CPLANE1: variants seen among roughly 807,000 people sequenced by gnomAD.
CPLANE1 encodes ciliogenesis and planar polarity effector complex subunit 1.
In CPLANE1, 263 loss-of-function variants were observed where a neutral mutation model predicts 362.5. The ratio of observed to expected loss-of-function variants is 0.73; its 90% confidence interval spans 0.66 to 0.80. The LOEUF is 0.80. CPLANE1 is among the 30% of genes least tolerant of loss of function. The pLI is 0.00. For missense variants in CPLANE1, 3,461 were observed against 3,793.4 expected (o/e 0.91, Z 2.30); for synonymous variants, 1,212 against 1,302.6 (o/e 0.93, Z 1.50).
the CPLANE1 span, chr5:37,085,303 C>A: frequency 1.7e-5 from 18 of 1,081,602 alleles, no homozygotes; most frequent in Admixed American, 1.2e-4. Flanking sequence ...ACCTACCCTG[C>A]TGGATTCATG....
At chr5:37,161,112 G>A (rs1428909157) in intron 38 of CPLANE1, among the ~76,000 whole-genome samples, 1 of 152,206 alleles carries the variant, frequency 6.6e-6, no homozygotes, top group African/African-American at 2.4e-5. Context: ...ACTGTCTAAT[G>A]TATAGCTGGA....
At position 37,121,534 on chromosome 5, in the gene CPLANE1, G is replaced by A. The variant is rs534480328; in HGVS notation, c.9185+83C>T. 4.6e-6 allele frequency: 6 copies of A among 1,292,200 alleles called. No individual in the cohort carries two copies. The African/African-American group carries it at 8.8e-5, about 19-fold the overall frequency. The allele number at this position is 1,292,200 out of a possible 1,614,324, so 80.0% of individuals were successfully genotyped here. A position where few individuals can be genotyped will look rare whatever the true frequency, so the allele number is the denominator to read the frequency against. ...TAAGCAGGGTAAATGCAAATGCACT[G>A]AACTTAGGTCACGAAAGTGCTACAT... On this transcript the variant is annotated intron_variant, in intron 49 of 52. Coordinates refer to ENST00000651892, the MANE Select transcript of CPLANE1 (RefSeq NM_001384732.1).
intron 44 of CPLANE1, chr5:37,139,581 C>G (rs1415951473): frequency 6.1e-6 from 6 of 977,384 alleles, no homozygotes; most frequent in Non-Finnish European, 7.7e-6. Flanking sequence ...GAGACCATGT[C>G]TCACTCTGTC....
intron 42 of CPLANE1, among the ~76,000 whole-genome samples, chr5:37,150,268 T>C (rs575382280): frequency 1.3e-5 from 2 of 152,302 alleles, no homozygotes; most frequent in Admixed American, 6.5e-5. Flanking sequence ...TCTTGTTGAA[T>C]ACTCATCCTT....
At chr5:37,172,128 G>C (rs1222896443) in intron 32 of CPLANE1, among the ~76,000 whole-genome samples, 2 of 151,960 alleles carry the variant, frequency 1.3e-5, no homozygotes, top group Non-Finnish European at 2.9e-5. Flanking sequence ...AATATAAAGA[G>C]GCTGGCTTCT....
intron 12 of CPLANE1, 41 bp from the exon 13 acceptor site, chr5:37,224,781 G>T: frequency 2.1e-6 from 3 of 1,412,608 alleles, no homozygotes; most frequent in South Asian, 1.3e-5. Flanking sequence ...CAAATTTCAG[G>T]CTAATGATGA....
intron 6 of CPLANE1, among the ~76,000 whole-genome samples, chr5:37,240,714 G>A (rs759166984): frequency 3.4e-4 from 51 of 152,086 alleles, no homozygotes; most frequent in Non-Finnish European, 5.9e-4. Flanking sequence ...TGGAGGGGAC[G>A]AACATCCAAA....
In CPLANE1 at chr5:37,230,992, C is replaced by A; in HGVS notation, c.996G>T (p.Met332Ile). The change falls in exon 9 of 53, where the codon ATG (methionine) becomes ATT (isoleucine). Residue 332 changes from methionine (M) to isoleucine (I), a missense_variant. Physicochemically the swap from Met to Ile is conservative, Grantham distance 10. Around this residue, in one of 2 missense-constraint regions of CPLANE1, gnomAD observed 3,380 missense variants for 3,666.1 expected, o/e 0.92. Transcript: ENST00000651892. ...WTHDSLFLAC[M>I]LKRGSLVLLT... ...ATAAAACCAGAGAGCCACGTTTTAACATACAAGCCAGAAAAAGACTATCAT... is the reference window on the plus strand; with the variant it reads ...ATAAAACCAGAGAGCCACGTTTTAAAATACAAGCCAGAAAAAGACTATCAT... 1 of 1,551,048 alleles carries A rather than the reference C, an allele frequency of 6.4e-7. No homozygotes were observed. The highest frequency in any genetic ancestry group is 8.7e-7 in the Non-Finnish European group (1 of 1,146,598).
At chr5:37,238,551 G>A (rs943992681) in intron 8 of CPLANE1, among the ~76,000 whole-genome samples, 8 of 138,278 alleles carry the variant, frequency 5.8e-5, no homozygotes, top group African/African-American at 1.9e-4. Context: ...CTGGAGTGCA[G>A]TGGCAAGATC....
At chr5:37,094,886 G>T in the CPLANE1 span, among the ~76,000 whole-genome samples, 8 of 152,116 alleles carry the variant, frequency 5.3e-5, no homozygotes, top group Non-Finnish European at 8.8e-5. Flanking sequence ...AAATCAGGAA[G>T]AATTAGATAC....
chr5:37,240,649 A>G (rs952133311), intron 6 of CPLANE1, among the ~76,000 whole-genome samples: 6 of 152,184 alleles, frequency 3.9e-5, no homozygotes, highest in African/African-American at 1.4e-4. Flanking sequence ...AGACATCTCC[A>G]ACCAGGCCCC....
At chr5:37,236,737 A>C (rs79220381) in intron 8 of CPLANE1, among the ~76,000 whole-genome samples, 1 of 151,780 alleles carries the variant, frequency 6.6e-6, no homozygotes, top group African/African-American at 2.4e-5. Context: ...AAAAAAAAAA[A>C]CCTCATTAAA....
intron 36 of CPLANE1, 111 bp downstream of exon 36, chr5:37,165,428 C>T (rs369592176): frequency 1.1e-5 from 11 of 995,376 alleles, no homozygotes; most frequent in African/African-American, 9.9e-5. Flanking sequence ...TATGAAGATC[C>T]TCCTAGTCAC....
At chr5:37,202,712 A>G (rs1319599537) in intron 18 of CPLANE1, among the ~76,000 whole-genome samples, 1 of 152,096 alleles carries the variant, frequency 6.6e-6, no homozygotes, top group African/African-American at 2.4e-5. Context: ...ACAGAATATA[A>G]TATGTCAAAC....
chr5:37,234,914 A>G (rs1034348464), intron 8 of CPLANE1, among the ~76,000 whole-genome samples: 2 of 152,208 alleles, frequency 1.3e-5, no homozygotes, highest in African/African-American at 2.4e-5. Context: ...ATCAACTATA[A>G]TGTTTAGAAC....
At chr5:37,121,571 A>T (rs1023889958) in intron 49 of CPLANE1, 46 bp downstream of exon 49, 1 of 1,566,388 alleles carries the variant, frequency 6.4e-7, no homozygotes, top group African/African-American at 1.4e-5. Context: ...TCTTCTTATC[A>T]GGCCTGACGT....
intron 38 of CPLANE1, among the ~76,000 whole-genome samples, chr5:37,159,430 G>C (rs1409186123): frequency 6.6e-6 from 1 of 152,206 alleles, no homozygotes; most frequent in Non-Finnish European, 1.5e-5. Flanking sequence ...TTCTTTAAAA[G>C]GGTATCATTC....
intron 25 of CPLANE1, among the ~76,000 whole-genome samples, chr5:37,184,024 G>T (rs1231588664): frequency 6.6e-6 from 1 of 152,104 alleles, no homozygotes; most frequent in Non-Finnish European, 1.5e-5. Context: ...CCTCTAATGG[G>T]TCAGATTTTA....
At position 37,127,593 on chromosome 5, in the gene CPLANE1, A is replaced by C. The variant is rs141849275; in HGVS notation, c.8793-2184T>G. Reference sequence around the variant, plus strand: ...GAGTGTAATGGCACGATCTTGGCTCACTGCAACCTCTGCCTCCCGGGTTTA... The same window carrying C: ...GAGTGTAATGGCACGATCTTGGCTCCCTGCAACCTCTGCCTCCCGGGTTTA... On this transcript the variant is annotated intron_variant, in intron 46 of 52. Transcript: ENST00000651892. 2.2e-3 allele frequency among the ~76,000 whole-genome samples: 313 copies of C among 141,728 alleles called. 2 individuals are homozygous for C. Among genetic ancestry groups the C allele is most frequent in the African/African-American group, 8.1e-3 (307 of 37,678 alleles). 93.0% of individuals were successfully genotyped at this position (141,728 alleles called of 152,430 possible).
Sources: gnomAD v4.1 joint callset for allele counts (sites outside exome capture counted in the v4.1 genomes callset) on GRCh38, gnomAD v4.1.1 for gene constraint, gnomAD v4.1.1 regional missense constraint, MANE v1.5 for transcripts, NCBI Gene and HGNC (gene_info 2026-07-23, HGNC 2026-07-21) for gene names.